The following CAMK2A variants were observed in gnomAD, a reference collection of about 807,000 sequenced individuals.
CAMK2A encodes calcium/calmodulin-dependent protein kinase type II subunit alpha.
In CAMK2A, 7 loss-of-function variants were observed where a neutral mutation model predicts 79.2. That is an observed-to-expected ratio of 0.09 (90% CI 0.05 to 0.17). The LOEUF is 0.17. Among genes scored for constraint, CAMK2A ranks in the 10% least tolerant of loss-of-function variants. CAMK2A has a pLI of 1.00. For missense variants in CAMK2A, 214 were observed against 646.4 expected (o/e 0.33, Z 7.25); for synonymous variants, 242 against 251.7 (o/e 0.96, Z 0.36).
At chr5:150,279,832 G>T (rs1340338872) in intron 1 of CAMK2A, among the ~76,000 whole-genome samples, 1 of 152,248 alleles carries the variant, frequency 6.6e-6, no homozygotes, top group African/African-American at 2.4e-5. Flanking sequence ...GTGCTAATGG[G>T]CTGTGAAAAG....
rs1755252675 is a variant in CAMK2A at position 150,239,676 on chromosome 5, CCGG to C, written c.1017+25_1017+27del. The stretch of plus-strand genomic sequence containing the variant: ...GCAAGGGTTCGAGGCCCAGCATTTA[CCGG>C]CGTTAGGAGACGGCAGACACTCACC... On this transcript the variant is annotated intron_variant, in intron 14 of 18. Coordinates refer to ENST00000671881, the MANE Select transcript of CAMK2A (RefSeq NM_015981.4). The C allele has an allele frequency of 1.9e-6, 3 of 1,611,550 alleles. No individual in the cohort carries two copies. The African/African-American group carries it at 4.0e-5, about 22-fold the overall frequency.
chr5:150,255,032 G>C (rs191381620), intron 6 of CAMK2A, among the ~76,000 whole-genome samples: 1 of 152,006 alleles, frequency 6.6e-6, no homozygotes, highest in Non-Finnish European at 1.5e-5. Flanking sequence ...AGCTCCCTCC[G>C]CCTGGCTCAA....
At chr5:150,248,328 T>TTATA (rs10535541) in intron 11 of CAMK2A, among the ~76,000 whole-genome samples, 13 of 143,800 alleles carry the variant, frequency 9.0e-5, no homozygotes, top group African/African-American at 2.3e-4. Flanking sequence ...GTTTTTTATT[T>TTATA]TATATATATA....
At chr5:150,271,432 C>T (rs1030026679) in intron 2 of CAMK2A, among the ~76,000 whole-genome samples, 1 of 152,184 alleles carries the variant, frequency 6.6e-6, no homozygotes, top group Non-Finnish European at 1.5e-5. Context: ...ACACACAGTC[C>T]AACATGAGGC....
intron 9 of CAMK2A, 133 bp from the exon 10 acceptor site, chr5:150,250,943 T>G: frequency 9.9e-7 from 1 of 1,005,778 alleles, no homozygotes; most frequent in South Asian, 1.6e-5. Context: ...CCAGGAGGAG[T>G]TGGGGCTCCT....
At chr5:150,268,925 G>A (rs149207854) in intron 2 of CAMK2A, among the ~76,000 whole-genome samples, 39 of 151,940 alleles carry the variant, frequency 2.6e-4, no homozygotes, top group African/African-American at 9.4e-4. Flanking sequence ...CACCATGCCC[G>A]GCTAATTTTT....
At chr5:150,261,398 A>G (rs552338040) in intron 3 of CAMK2A, among the ~76,000 whole-genome samples, 1 of 152,308 alleles carries the variant, frequency 6.6e-6, no homozygotes, top group South Asian at 2.1e-4. Context: ...ACTCAGCCAG[A>G]GCCCAAGATT....
At chr5:150,226,747 G>T (rs993765371) in intron 17 of CAMK2A, among the ~76,000 whole-genome samples, 29 of 100,252 alleles carry the variant, frequency 2.9e-4, no homozygotes, top group African/African-American at 1.1e-3. Context: ...AAAAAAAAGG[G>T]GGGGGGGGGA....
At chr5:150,278,858 G>A (rs1165269188) in intron 1 of CAMK2A, among the ~76,000 whole-genome samples, 5 of 152,114 alleles carry the variant, frequency 3.3e-5, no homozygotes, top group African/African-American at 9.7e-5. Flanking sequence ...CAAAGCACAC[G>A]TATATCACCC....
chr5:150,268,509 G>A (rs1274458902), intron 2 of CAMK2A, among the ~76,000 whole-genome samples: 3 of 152,264 alleles, frequency 2.0e-5, no homozygotes, highest in Non-Finnish European at 4.4e-5. Context: ...CCCATACCCT[G>A]TCTTATTTTC....
rs755350646 is a variant in CAMK2A, at chr5:150,221,548, C to A, written c.*1162G>T. On this transcript the variant is annotated 3_prime_UTR_variant, in exon 19 of 19. Transcript: ENST00000671881. Reference sequence around the variant, plus strand: ...AAGCAAAGAAAAGTCCAGGTATTTCCATCCTGACAGCCTCCCTCCTCCTCT... The same window carrying A: ...AAGCAAAGAAAAGTCCAGGTATTTCAATCCTGACAGCCTCCCTCCTCCTCT... 45 of 398,690 alleles carry A rather than the reference C, an allele frequency of 1.1e-4. No homozygotes were observed. The Middle Eastern group carries it at 3.1e-3, about 28-fold the overall frequency. 24.7% of individuals were successfully genotyped at this position (398,690 alleles called of 1,614,324 possible). A position where few individuals can be genotyped will look rare whatever the true frequency, so the allele number is the denominator to read the frequency against.
intron 1 of CAMK2A, among the ~76,000 whole-genome samples, chr5:150,282,676 A>G (rs897196070): frequency 1.3e-5 from 2 of 152,250 alleles, no homozygotes; most frequent in Admixed American, 6.5e-5. Flanking sequence ...CACCATCTGT[A>G]AGACAATGGA....
At chr5:150,249,553 G>GTT (rs36099826) in intron 11 of CAMK2A, among the ~76,000 whole-genome samples, 3 of 145,752 alleles carry the variant, frequency 2.1e-5, no homozygotes, top group African/African-American at 5.0e-5. Flanking sequence ...TCTTTTTTTT[G>GTT]TTTTTTTTTT....
intron 14 of CAMK2A, 99 bp from the exon 15 acceptor site, chr5:150,238,847 C>G: frequency 1.0e-6 from 1 of 997,298 alleles, no homozygotes; most frequent in South Asian, 1.7e-5. Flanking sequence ...TTTCTGTGAG[C>G]CTCACAGGCT....
At chr5:150,279,101 C>T (rs140204493) in intron 1 of CAMK2A, among the ~76,000 whole-genome samples, 3 of 152,262 alleles carry the variant, frequency 2.0e-5, no homozygotes, top group East Asian at 3.9e-4. Flanking sequence ...TTTCAGCTCT[C>T]GTGTTTCATA....
At position 150,250,805 on chromosome 5, in the gene CAMK2A, T is replaced by C. The variant is rs756380543; in HGVS notation, c.699A>G (p.Pro233=). ...QQIKAGAYDF[P]SPEWDTVTPE... is the part of the protein sequence containing the mutation. Reference sequence around the variant, plus strand: ...GGGTGACAGTGTCCCATTCCGGCGATGGGAACTGGAAGGGGCAGAGAGGCC... The same window carrying C: ...GGGTGACAGTGTCCCATTCCGGCGACGGGAACTGGAAGGGGCAGAGAGGCC... Residue 233 remains proline (P), a synonymous_variant, in exon 10 of 19, where the codon CCA becomes CCG. Coordinates refer to ENST00000671881, the MANE Select transcript of CAMK2A (RefSeq NM_015981.4). 1.1e-5 allele frequency: 18 copies of C among 1,613,882 alleles called. No individual in the cohort carries two copies. Among genetic ancestry groups the C allele is most frequent in the Middle Eastern group, 1.6e-4 (1 of 6,082 alleles).
chr5:150,230,700 A>G (rs1190920580), intron 16 of CAMK2A, among the ~76,000 whole-genome samples: 1 of 152,248 alleles, frequency 6.6e-6, no homozygotes. Flanking sequence ...CAGCCCATGC[A>G]CACACAGCTG....
chr5:150,238,099 C>G (rs954493381), intron 15 of CAMK2A, among the ~76,000 whole-genome samples: 3 of 152,204 alleles, frequency 2.0e-5, no homozygotes, highest in Non-Finnish European at 4.4e-5. Flanking sequence ...TTACCAAACA[C>G]TTATGACTTG....
chr5:150,252,862 C>A (rs148821200), intron 7 of CAMK2A, among the ~76,000 whole-genome samples: 2 of 152,232 alleles, frequency 1.3e-5, no homozygotes, highest in East Asian at 3.9e-4. Context: ...AGTCACATAC[C>A]TCATAAGTAG....
Sources: gnomAD v4.1 joint callset for allele counts (sites outside exome capture counted in the v4.1 genomes callset) on GRCh38, gnomAD v4.1.1 for gene constraint, MANE v1.5 for transcripts, NCBI Gene and HGNC (gene_info 2026-07-23, HGNC 2026-07-21) for gene names.